CSMD1: variants seen among roughly 807,000 people sequenced by gnomAD.
The protein encoded by CSMD1 is CUB and sushi domain-containing protein 1.
Under a neutral mutation model 417.5 loss-of-function variants are expected in CSMD1, and 213 were observed. That is an observed-to-expected ratio of 0.51 (90% CI 0.46 to 0.57). The LOEUF (loss-of-function observed/expected upper bound fraction) is 0.57, where lower values mean the gene tolerates loss of function less well. Ranked by LOEUF, CSMD1 falls within the 20% of genes least tolerant of loss-of-function variation. The pLI is 0.00. For synonymous variants in CSMD1, 2,862 were observed against 1,736.8 expected, an observed-to-expected ratio of 1.65 and a Z score of -16.11; for missense variants, 6,923 against 4,529.7, an observed-to-expected ratio of 1.53 and a Z score of -15.17.
intron 40 of CSMD1, among the ~76,000 whole-genome samples, chr8:3,143,116 AC>A (rs1349735786): frequency 6.6e-6 from 1 of 152,148 alleles, no homozygotes; most frequent in East Asian, 1.9e-4. Flanking sequence ...AACAACAACA[AC>A]AACAATTTTG....
At chr8:3,912,130 T>A (rs1808503164) in intron 5 of CSMD1, among the ~76,000 whole-genome samples, 1 of 152,210 alleles carries the variant, frequency 6.6e-6, no homozygotes, top group Non-Finnish European at 1.5e-5. Context: ...ACTGATTTTC[T>A]ATTTTTATTT....
chr8:4,084,845 G>A (rs1405913521), intron 3 of CSMD1, among the ~76,000 whole-genome samples: 11 of 149,030 alleles, frequency 7.4e-5, no homozygotes, highest in East Asian at 2.0e-4. Context: ...CCATCTTGAA[G>A]AAGAATGACA....
chr8:3,176,556 A>G (rs1308875636), intron 37 of CSMD1, among the ~76,000 whole-genome samples: 1 of 152,218 alleles, frequency 6.6e-6, no homozygotes, highest in Non-Finnish European at 1.5e-5. Flanking sequence ...AACCTACTAG[A>G]GAAATTTTCA....
intron 2 of CSMD1, among the ~76,000 whole-genome samples, chr8:4,518,074 A>C (rs1002672758): frequency 1.3e-5 from 2 of 152,218 alleles, no homozygotes; most frequent in Non-Finnish European, 2.9e-5. Flanking sequence ...AGATTTTCAA[A>C]TGTCTAATAT....
At chr8:4,053,892 C>T (rs1798561376) in intron 3 of CSMD1, among the ~76,000 whole-genome samples, 1 of 152,090 alleles carries the variant, frequency 6.6e-6, no homozygotes, top group South Asian at 2.1e-4. Flanking sequence ...CTATAATTAT[C>T]ATAAATAATA....
intron 1 of CSMD1, among the ~76,000 whole-genome samples, chr8:4,723,799 A>AC (rs1554457694): frequency 1.4e-5 from 2 of 137,946 alleles, no homozygotes; most frequent in African/African-American, 5.5e-5. Flanking sequence ...AAAAAAAAAA[A>AC]ACAAAAAAAA....
intron 3 of CSMD1, among the ~76,000 whole-genome samples, chr8:4,205,561 C>G (rs778838219): frequency 1.6e-4 from 25 of 152,200 alleles, no homozygotes; most frequent in Non-Finnish European, 3.2e-4. Flanking sequence ...ACGGAACTCA[C>G]TGAAGTGACA....
chr8:3,632,524 G>A (rs1004664594), intron 7 of CSMD1, among the ~76,000 whole-genome samples: 1 of 152,134 alleles, frequency 6.6e-6, no homozygotes, highest in Non-Finnish European at 1.5e-5. Context: ...TTGAAGATGA[G>A]TATTGGTTAG....
intron 3 of CSMD1, among the ~76,000 whole-genome samples, chr8:4,091,133 G>T (rs1417665693): frequency 2.6e-5 from 4 of 151,970 alleles, no homozygotes; most frequent in African/African-American, 9.7e-5. Context: ...TGGCCAGGCT[G>T]GTCTCGAATT....
chr8:4,573,260 C>G (rs904991484), intron 2 of CSMD1, among the ~76,000 whole-genome samples: 2 of 152,194 alleles, frequency 1.3e-5, no homozygotes, highest in Non-Finnish European at 2.9e-5. Flanking sequence ...GTGGATTTAT[C>G]TACCTTTGAT....
intron 1 of CSMD1, among the ~76,000 whole-genome samples, chr8:4,744,086 G>A (rs899043367): frequency 6.6e-6 from 1 of 152,196 alleles, no homozygotes; most frequent in Admixed American, 6.5e-5. Context: ...ATTAAGGCAG[G>A]TATGAGCAGG....
rs1416952241 is a variant in CSMD1, at chr8:3,826,081, C to A, written c.819-72039G>T. On this transcript the variant is annotated intron_variant, in intron 5 of 69. Transcript: ENST00000635120. ...ATAGACATCTTTTGTAACACCCAAG[C>A]TATACACAACTATGCTTCTGTAACA... Among the ~76,000 whole-genome samples the A allele has an allele frequency of 2.0e-5, 3 of 152,264 alleles. No homozygotes were observed. In the East Asian group the frequency reaches 5.8e-4, roughly 29 times the overall value.
intron 3 of CSMD1, among the ~76,000 whole-genome samples, chr8:4,245,831 C>G (rs1478788748): frequency 6.6e-6 from 1 of 152,118 alleles, no homozygotes. Flanking sequence ...TGTGCACAAT[C>G]ACATCATTAC....
At chr8:3,227,901 G>A (rs897568201) in intron 27 of CSMD1, among the ~76,000 whole-genome samples, 39 of 151,702 alleles carry the variant, frequency 2.6e-4, no homozygotes, top group African/African-American at 9.2e-4. Context: ...CCAAGTAGCT[G>A]GGATCACAGG....
Position 3,127,767 on chromosome 8 carries a change from C to G in CSMD1, c.6242-9180G>C, listed in dbSNP as rs148611919. The G allele has an allele frequency of 2.0e-3, 305 of 151,944 alleles. 2 individuals are homozygous for G. Among genetic ancestry groups the G allele is most frequent in the African/African-American group, 6.9e-3 (286 of 41,436 alleles). 9.4% of individuals were successfully genotyped at this position (151,944 alleles called of 1,614,324 possible). A position where few individuals can be genotyped will look rare whatever the true frequency, so the allele number is the denominator to read the frequency against. On this transcript the variant is annotated intron_variant, in intron 41 of 69. Transcript: ENST00000635120. The stretch of plus-strand genomic sequence containing the variant: ...GAGATTTTGGCATTGAATAAGTTTT[C>G]TTTCCCAAAAAAGTTTATGCATTAG...
At chr8:4,983,307 G>C (rs117455899) in intron 1 of CSMD1, among the ~76,000 whole-genome samples, 1 of 152,210 alleles carries the variant, frequency 6.6e-6, no homozygotes, top group Non-Finnish European at 1.5e-5. Context: ...AAATGTTGAT[G>C]ACAAATTAAT....
At chr8:4,057,440 G>T (rs572573597) in intron 3 of CSMD1, among the ~76,000 whole-genome samples, 1 of 152,098 alleles carries the variant, frequency 6.6e-6, no homozygotes, top group Non-Finnish European at 1.5e-5. Context: ...TTAGCCCTTT[G>T]TCAGATGAGT....
At position 3,399,459 on chromosome 8, in the gene CSMD1, C is replaced by G; in HGVS notation, c.2337G>C (p.Lys779Asn). ...ILPPGWPGYY[K>N]DSLHCEWIIE... ...TTATCCATTCACAATGTAAAGAATCCTTATAATATCCTGGCCATCCAGGAG... is the reference window on the plus strand; with the variant it reads ...TTATCCATTCACAATGTAAAGAATCGTTATAATATCCTGGCCATCCAGGAG... The change falls in exon 16 of 70, where the codon AAG becomes AAC. Residue 779 changes from lysine (K) to asparagine (N), a missense_variant. Coordinates refer to ENST00000635120, the MANE Select transcript of CSMD1 (RefSeq NM_033225.6). The G allele has an allele frequency of 6.2e-7, 1 of 1,610,058 alleles. No individual in the cohort carries two copies. The highest frequency in any genetic ancestry group is 8.5e-7 in the Non-Finnish European group (1 of 1,178,146).
chr8:3,776,256 T>A (rs559924768), intron 5 of CSMD1, among the ~76,000 whole-genome samples: 2 of 152,248 alleles, frequency 1.3e-5, no homozygotes, highest in South Asian at 2.1e-4. Context: ...CCTGCTTCTA[T>A]CCTCCCTGCT....
Sources: allele counts gnomAD v4.1 joint callset (sites outside exome capture counted in the v4.1 genomes callset), GRCh38; gene constraint gnomAD v4.1.1; transcripts MANE v1.5; gene names NCBI Gene and HGNC (gene_info 2026-07-23, HGNC 2026-07-21).